LHX1: variants seen among roughly 807,000 people sequenced by gnomAD.
LHX1 encodes the protein LIM/homeobox protein Lhx1.
A neutral mutation model predicts 34.1 loss-of-function variants in LHX1; 9 were observed. That is an observed-to-expected ratio of 0.26 (90% CI 0.16 to 0.46). The LOEUF is 0.46. Among genes scored for constraint, LHX1 ranks in the 20% least tolerant of loss-of-function variants. LHX1 has a pLI of 1.00. For missense variants in LHX1, 446 were observed against 559.1 expected, an observed-to-expected ratio of 0.80 and a Z score of 2.04; for synonymous variants, 254 against 241.5, an observed-to-expected ratio of 1.05 and a Z score of -0.48.
rs1398723311 is a variant in LHX1, at chr17:36,937,771, C to G, written c.-427C>G. ...TCAAGCCCCGGAGAACTCAGCGGCG[C>G]TTTCCTCGCAACCCGAGCTCGGCGA... is the stretch of plus-strand genomic sequence containing the variant. On this transcript the variant is annotated 5_prime_UTR_variant, in exon 1 of 5. Transcript: ENST00000614239. 2.1e-6 allele frequency: 1 copy of G among 471,840 alleles called. No homozygotes were observed. 29.2% of individuals were successfully genotyped at this position (471,840 alleles called of 1,614,324 possible). A position where few individuals can be genotyped will look rare whatever the true frequency, so the allele number is the denominator to read the frequency against.
At chr17:36,941,178 G>A (rs74686344) in intron 3 of LHX1, 2 of 684,888 alleles carry the variant, frequency 2.9e-6, no homozygotes, top group East Asian at 2.8e-5. Context: ...GGAGAGAGTG[G>A]GGAGCCCTCT....
At position 36,943,223 on chromosome 17, in the gene LHX1, C is replaced by T. The variant is rs927579985; in HGVS notation, c.*92C>T. On this transcript the variant is annotated 3_prime_UTR_variant, in exon 5 of 5. Transcript: ENST00000614239. ...AAAAAAAAAAACATAAAAAGCAAGTCCCCACCCCCTTCCTCCAGCCTCGAG... is the reference window on the plus strand; with the variant it reads ...AAAAAAAAAAACATAAAAAGCAAGTTCCCACCCCCTTCCTCCAGCCTCGAG... 1.4e-6 allele frequency: 2 copies of T among 1,385,898 alleles called. No individual in the cohort carries two copies. Among genetic ancestry groups the T allele is most frequent in the Admixed American group, 4.9e-5 (2 of 40,884 alleles). 85.9% of individuals were successfully genotyped at this position (1,385,898 alleles called of 1,614,324 possible). A position where few individuals can be genotyped will look rare whatever the true frequency, so the allele number is the denominator to read the frequency against.
Position 36,938,015 on chromosome 17 carries a change from G to T in LHX1, c.-183G>T, listed in dbSNP as rs1714204358. 6.2e-6 allele frequency: 4 copies of T among 640,504 alleles called. 1 individual carries two copies. The Admixed American group carries it at 1.0e-4, about 17-fold the overall frequency. 39.7% of individuals were successfully genotyped at this position (640,504 alleles called of 1,614,324 possible). A position where few individuals can be genotyped will look rare whatever the true frequency, so the allele number is the denominator to read the frequency against. ...TCACTGAGACGCCCCCCCAGGCCCC[G>T]ATCAGCCTCGTTTCCTCCACCCTAC... On this transcript the variant is annotated 5_prime_UTR_variant, in exon 1 of 5. Transcript: ENST00000614239.
At chr17:36,939,370 C>T (rs2070749549) in intron 1 of LHX1, among the ~76,000 whole-genome samples, 1 of 152,144 alleles carries the variant, frequency 6.6e-6, no homozygotes, top group Non-Finnish European at 1.5e-5. Context: ...ATAGTTCAAA[C>T]CAGGGAGCAG....
At chr17:36,939,298 C>T (rs1352645400) in intron 1 of LHX1, among the ~76,000 whole-genome samples, 1 of 152,210 alleles carries the variant, frequency 6.6e-6, no homozygotes, top group Non-Finnish European at 1.5e-5. Context: ...TTCCACCCTA[C>T]GGATGTGAAA....
intron 4 of LHX1, 149 bp from the exon 5 acceptor site, chr17:36,942,603 C>G: frequency 2.0e-6 from 2 of 1,010,146 alleles, no homozygotes; most frequent in South Asian, 3.5e-5. Context: ...AGCCTCCTCC[C>G]TGCACCCAGG....
chr17:36,942,134 G>T, intron 3 of LHX1, 66 bp from the exon 4 acceptor site: 1 of 1,508,262 alleles, frequency 6.6e-7, no homozygotes, highest in Non-Finnish European at 8.9e-7. Context: ...GTGCTGGCTA[G>T]GCCCGGAGCA....
At chr17:36,941,297 A>G (rs538010627) in intron 3 of LHX1, 1 of 400,156 alleles carries the variant, frequency 2.5e-6, no homozygotes, top group Admixed American at 3.5e-5. Flanking sequence ...ACTCTTCCTA[A>G]GTCTGCAACT....
Position 36,944,385 on chromosome 17 carries a change from T to G in LHX1, c.*1254T>G, listed in dbSNP as rs1647753473. On this transcript the variant is annotated 3_prime_UTR_variant, in exon 5 of 5. Transcript: ENST00000614239. ...TTATATAGACCCACACAGGTTTTAT[T>G]TTTGTGTCTTTAAAATAAAAGTCCA... 6.6e-6 allele frequency: 1 copy of G among 152,238 alleles called. No homozygotes were observed. The highest frequency in any genetic ancestry group is 6.5e-5 in the Admixed American group (1 of 15,288). The allele number at this position is 152,238 out of a possible 1,614,324, so 9.4% of individuals were successfully genotyped here.
At chr17:36,940,968 GA>G in intron 3 of LHX1, 81 bp downstream of exon 3, 1 of 1,533,188 alleles carries the variant, frequency 6.5e-7, no homozygotes, top group Non-Finnish European at 8.7e-7. Flanking sequence ...GGAGAGCCCA[GA>G]ATCCAGAGAG....
chr17:36,942,702 C>T lies in LHX1; in HGVS notation c.842-50C>T, dbSNP rs539331458. 8 of 1,440,636 alleles carry T rather than the reference C, an allele frequency of 5.6e-6. No individual in the cohort carries two copies. The Admixed American group carries it at 1.7e-4, about 31-fold the overall frequency. The allele number at this position is 1,440,636 out of a possible 1,614,324, so 89.2% of individuals were successfully genotyped here. ...CGTCTTCCCTCCCTTTCGGTCCCGC[C>T]GGCCCCCGGCCGGGCCCTGACGTCC... is the stretch of plus-strand genomic sequence containing the variant. On this transcript the variant is annotated intron_variant, in intron 4 of 4. Coordinates refer to ENST00000614239, the MANE Select transcript of LHX1 (RefSeq NM_005568.5).
intron 3 of LHX1, chr17:36,941,518 G>A (rs2070764926): frequency 3.6e-6 from 1 of 279,118 alleles, no homozygotes; most frequent in South Asian, 3.5e-5. Flanking sequence ...CTGGCTCAGT[G>A]CTAGGTGTCC....
rs1445408410 is a variant in LHX1, at chr17:36,943,053, G to A, written c.1143G>A (p.Ser381=). ...EVFGPSPPFS[S]LSVNGGASYG... ...TCGGACCCAGCCCGCCCTTCTCGTCGCTGTCGGTCAACGGTGGGGCGAGCT... is the reference window on the plus strand; with the variant it reads ...TCGGACCCAGCCCGCCCTTCTCGTCACTGTCGGTCAACGGTGGGGCGAGCT... The change falls in exon 5 of 5, where the codon TCG becomes TCA. Residue 381 remains serine, a synonymous_variant. Coordinates refer to ENST00000614239, the MANE Select transcript of LHX1 (RefSeq NM_005568.5). 6.2e-7 allele frequency: 1 copy of A among 1,606,642 alleles called. No homozygotes were observed. Among genetic ancestry groups the A allele is most frequent in the Non-Finnish European group, 8.5e-7 (1 of 1,175,218 alleles).
At chr17:36,942,479 C>T in intron 4 of LHX1, 114 bp downstream of exon 4, 1 of 1,164,818 alleles carries the variant, frequency 8.6e-7, no homozygotes, top group Non-Finnish European at 1.2e-6. Context: ...AGAGTTGGGG[C>T]GAGTAGGGAG....
Position 36,938,011 on chromosome 17 carries a change from C to A in LHX1, c.-187C>A. ...CACTTCACTGAGACGCCCCCCCAGG[C>A]CCCGATCAGCCTCGTTTCCTCCACC... On this transcript the variant is annotated 5_prime_UTR_variant, in exon 1 of 5. Transcript: ENST00000614239. 1.6e-6 allele frequency: 1 copy of A among 634,240 alleles called. No individual in the cohort carries two copies. Among genetic ancestry groups the A allele is most frequent in the Non-Finnish European group, 2.8e-6 (1 of 360,420 alleles). 39.3% of individuals were successfully genotyped at this position (634,240 alleles called of 1,614,324 possible). A position where few individuals can be genotyped will look rare whatever the true frequency, so the allele number is the denominator to read the frequency against.
At chr17:36,940,020 T>G in intron 1 of LHX1, 1 of 587,538 alleles carries the variant, frequency 1.7e-6, no homozygotes, top group Non-Finnish European at 3.0e-6. Context: ...GGCGGGTAGC[T>G]TGGGCCCCTG....
chr17:36,942,703 G>T, intron 4 of LHX1, 49 bp from the exon 5 acceptor site: 1 of 1,440,414 alleles, frequency 6.9e-7, no homozygotes, highest in Non-Finnish European at 9.1e-7. Context: ...CGGTCCCGCC[G>T]GCCCCCGGCC....
At chr17:36,937,298 C>T (rs2070732491), upstream of LHX1, 5 of 427,218 alleles carry the variant, frequency 1.2e-5, no homozygotes, top group Admixed American at 1.3e-4. Flanking sequence ...CAGGGAGGGT[C>T]GCCCTGAGGA....
chr17:36,943,248 G>C lies in LHX1; in HGVS notation c.*117G>C. 2.4e-6 allele frequency: 3 copies of C among 1,244,964 alleles called. No homozygotes were observed. Among genetic ancestry groups the C allele is most frequent in the Non-Finnish European group, 3.3e-6 (3 of 912,212 alleles). 77.1% of individuals were successfully genotyped at this position (1,244,964 alleles called of 1,614,324 possible). ...CCCCACCCCCTTCCTCCAGCCTCGA[G>C]AACCATTCTCCTTCTGGGGAGACCG... is the stretch of plus-strand genomic sequence containing the variant. On this transcript the variant is annotated 3_prime_UTR_variant, in exon 5 of 5. Coordinates refer to ENST00000614239, the MANE Select transcript of LHX1 (RefSeq NM_005568.5).
Sources: allele counts gnomAD v4.1 joint callset (sites outside exome capture counted in the v4.1 genomes callset), GRCh38; gene constraint gnomAD v4.1.1; transcripts MANE v1.5; gene names NCBI Gene and HGNC (gene_info 2026-07-23, HGNC 2026-07-21).